Variants in PDE4D observed in about 807,000 individuals in gnomAD.
PDE4D encodes 3',5'-cyclic-AMP phosphodiesterase 4D.
In PDE4D, 24 loss-of-function variants were observed where a neutral mutation model predicts 87.4. The ratio of observed to expected loss-of-function variants is 0.27; its 90% CI spans 0.20 to 0.39. The LOEUF is 0.39. Among genes scored for constraint, PDE4D ranks in the 10% least tolerant of loss-of-function variants. PDE4D has a pLI of 1.00. For missense variants in PDE4D, 714 were observed against 1,041.0 expected, an observed-to-expected ratio of 0.69 and a Z score of 4.32; for synonymous variants, 384 against 383.2, an observed-to-expected ratio of 1.00 and a Z score of -0.02.
At position 59,554,284 on chromosome 5, in the gene PDE4D, A is replaced by G. The variant is rs147331846; in HGVS notation, c.456-338316T>C. ...TGCCAGGCACTGTTCTAAGAACTTTATATGTATCAACTTCTCCTTGAATCT... is the reference window on the plus strand; with the variant it reads ...TGCCAGGCACTGTTCTAAGAACTTTGTATGTATCAACTTCTCCTTGAATCT... On this transcript the variant is annotated intron_variant, in intron 1 of 14. Transcript: ENST00000340635. Among the ~76,000 whole-genome samples the G allele has an allele frequency of 4.9e-3, 753 of 152,302 alleles. 3 individuals are homozygous for G. Among genetic ancestry groups the G allele is most frequent in the Non-Finnish European group, 8.1e-3 (554 of 68,020 alleles).
chr5:59,922,058 G>A (rs1398081723), intron 3 of PDE4D, among the ~76,000 whole-genome samples: 1 of 152,126 alleles, frequency 6.6e-6, no homozygotes, highest in African/African-American at 2.4e-5. Flanking sequence ...AGAGTGCAGC[G>A]ACTGGGGGAC....
At chr5:59,031,380 TATATATATATATTA>T (rs1227561366) in intron 6 of PDE4D, among the ~76,000 whole-genome samples, 2,108 of 62,484 alleles carry the variant, frequency 0.034, 48 homozygotes, top group Middle Eastern at 0.096. Flanking sequence ...TATATATATA[TATATATATATATTA>T]TATATATATA....
intron 1 of PDE4D, among the ~76,000 whole-genome samples, chr5:59,661,988 C>A (rs1428669044): frequency 6.6e-6 from 1 of 152,134 alleles, no homozygotes; most frequent in African/African-American, 2.4e-5. Flanking sequence ...ATTGCTGAGA[C>A]CCATTGTCTG....
chr5:59,101,739 C>T (rs1278897802), intron 5 of PDE4D, among the ~76,000 whole-genome samples: 2 of 151,534 alleles, frequency 1.3e-5, no homozygotes, highest in African/African-American at 2.4e-5. Context: ...CATAGCCCTA[C>T]CAGTCCAATA....
chr5:59,505,528 G>A (rs75463324), intron 1 of PDE4D, among the ~76,000 whole-genome samples: 12 of 152,242 alleles, frequency 7.9e-5, no homozygotes, highest in African/African-American at 2.4e-4. Flanking sequence ...AAATGTCAAC[G>A]TATGGCTTAT....
intron 1 of PDE4D, among the ~76,000 whole-genome samples, chr5:59,510,547 A>ATAGG (rs1810113347): frequency 6.6e-6 from 1 of 151,856 alleles, no homozygotes; most frequent in Non-Finnish European, 1.5e-5. Context: ...AGAGTTCCAG[A>ATAGG]TAGGTAGGTA....
At chr5:59,637,704 G>C (rs1740826960) in intron 1 of PDE4D, among the ~76,000 whole-genome samples, 1 of 151,970 alleles carries the variant, frequency 6.6e-6, no homozygotes, top group Non-Finnish European at 1.5e-5. Flanking sequence ...TGAACAATGA[G>C]AACATATGGG....
At chr5:59,011,184 T>C (rs1752729711) in intron 6 of PDE4D, among the ~76,000 whole-genome samples, 1 of 152,110 alleles carries the variant, frequency 6.6e-6, no homozygotes, top group Non-Finnish European at 1.5e-5. Flanking sequence ...ACCACAAAGA[T>C]GGGGAGAAAC....
chr5:59,025,537 T>C (rs1011177060), intron 6 of PDE4D, among the ~76,000 whole-genome samples: 2 of 152,236 alleles, frequency 1.3e-5, no homozygotes, highest in Non-Finnish European at 2.9e-5. Context: ...GAAATATCTG[T>C]TTTTCCTTCT....
intron 1 of PDE4D, among the ~76,000 whole-genome samples, chr5:59,248,712 A>G (rs1212045043): frequency 6.6e-6 from 1 of 152,088 alleles, no homozygotes; most frequent in Admixed American, 6.6e-5. Flanking sequence ...GTAAAATGTA[A>G]TTTATATCTG....
At chr5:59,722,339 G>A (rs1034368348) in intron 1 of PDE4D, among the ~76,000 whole-genome samples, 6 of 152,122 alleles carry the variant, frequency 3.9e-5, no homozygotes, top group Non-Finnish European at 7.4e-5. Context: ...ATTCATCCTT[G>A]GAGATGAACA....
At chr5:60,431,799 A>ACCAGACT (rs1365644536) in intron 1 of PDE4D, among the ~76,000 whole-genome samples, 2 of 152,230 alleles carry the variant, frequency 1.3e-5, no homozygotes, top group Non-Finnish European at 2.9e-5. Flanking sequence ...CACTGAGTGA[A>ACCAGACT]CCAGACTCCA....
At chr5:59,150,418 A>G (rs1779304914) in intron 5 of PDE4D, among the ~76,000 whole-genome samples, 2 of 152,178 alleles carry the variant, frequency 1.3e-5, no homozygotes, top group Admixed American at 1.3e-4. Flanking sequence ...TTCCATTCTT[A>G]TAGAATGTTT....
At chr5:59,461,450 C>T (rs186039555) in intron 1 of PDE4D, among the ~76,000 whole-genome samples, 5 of 152,168 alleles carry the variant, frequency 3.3e-5, no homozygotes, top group East Asian at 1.9e-4. Context: ...AGTTTTAAAA[C>T]TTGGTTTCCT....
At chr5:59,253,450 A>G (rs1015785659) in intron 1 of PDE4D, among the ~76,000 whole-genome samples, 1 of 152,092 alleles carries the variant, frequency 6.6e-6, no homozygotes, top group Admixed American at 6.6e-5. Flanking sequence ...GAGCATCTTT[A>G]TTACTTCCAT....
chr5:60,473,203 AAG>A (rs1747988338), intron 1 of PDE4D, among the ~76,000 whole-genome samples: 1 of 151,232 alleles, frequency 6.6e-6, no homozygotes, highest in Non-Finnish European at 1.5e-5. Flanking sequence ...AAAAGAAAGA[AAG>A]AAAAGAAAGA....
chr5:59,709,735 G>T (rs1381225718), intron 1 of PDE4D, among the ~76,000 whole-genome samples: 1 of 152,154 alleles, frequency 6.6e-6, no homozygotes, highest in African/African-American at 2.4e-5. Context: ...GGGAGTAGAC[G>T]ATTTGAAGGC....
intron 1 of PDE4D, among the ~76,000 whole-genome samples, chr5:59,284,125 C>T (rs189267114): frequency 6.6e-6 from 1 of 152,240 alleles, no homozygotes; most frequent in African/African-American, 2.4e-5. Flanking sequence ...TTCTTTTACC[C>T]CTCTTTTTGA....
At chr5:60,171,925 C>G (rs1783467904) in intron 2 of PDE4D, among the ~76,000 whole-genome samples, 1 of 151,476 alleles carries the variant, frequency 6.6e-6, no homozygotes, top group Admixed American at 6.6e-5. Flanking sequence ...AATTTTGAGA[C>G]TTTTTCCTCA....
Sources: allele counts gnomAD v4.1 joint callset (sites outside exome capture counted in the v4.1 genomes callset), GRCh38; gene constraint gnomAD v4.1.1; transcripts MANE v1.5; gene names NCBI Gene and HGNC (gene_info 2026-07-23, HGNC 2026-07-21).